VSTM4: variants seen among roughly 807,000 people sequenced by gnomAD.
The protein encoded by VSTM4 is V-set and transmembrane domain containing 4, also known as V-set and transmembrane domain-containing protein 4.
Under a neutral mutation model 36.4 loss-of-function variants are expected in VSTM4, and 20 were observed. The ratio of observed to expected loss-of-function variants is 0.55; its 90% CI spans 0.39 to 0.80. The LOEUF (loss-of-function observed/expected upper bound fraction) is 0.80. Ranked by LOEUF, VSTM4 falls within the 30% of genes least tolerant of loss-of-function variation. The pLI is 0.00. For synonymous variants in VSTM4, 182 were observed against 173.9 expected, an observed-to-expected ratio of 1.05 and a Z score of -0.37; for missense variants, 392 against 404.5, an observed-to-expected ratio of 0.97 and a Z score of 0.26.
At chr10:49,093,784 G>A (rs35621290) in intron 2 of VSTM4, among the ~76,000 whole-genome samples, 12 of 125,714 alleles carry the variant, frequency 9.5e-5, no homozygotes, top group Admixed American at 4.6e-4. Context: ...GTCTTGCTTC[G>A]TCGCCCAGGC....
intron 1 of VSTM4, among the ~76,000 whole-genome samples, chr10:49,110,139 G>A (rs937824391): frequency 3.9e-5 from 6 of 152,218 alleles, no homozygotes; most frequent in African/African-American, 1.4e-4. Flanking sequence ...GAGCTTCCCA[G>A]TGGAGGCCAG....
chr10:49,060,630 T>C (rs1316027414), intron 5 of VSTM4, among the ~76,000 whole-genome samples: 5 of 152,184 alleles, frequency 3.3e-5, no homozygotes, highest in African/African-American at 7.2e-5. Context: ...GATTTGCAAA[T>C]ATGGGGCTTA....
At chr10:49,091,350 T>C (rs1484051386) in intron 2 of VSTM4, among the ~76,000 whole-genome samples, 2 of 152,176 alleles carry the variant, frequency 1.3e-5, no homozygotes, top group Non-Finnish European at 2.9e-5. Flanking sequence ...AAGGGACAAG[T>C]TGTGAAATCC....
At chr10:49,059,786 T>G (rs1843843491) in intron 5 of VSTM4, among the ~76,000 whole-genome samples, 1 of 152,198 alleles carries the variant, frequency 6.6e-6, no homozygotes, top group Admixed American at 6.5e-5. Flanking sequence ...TCAATAGCTT[T>G]TAGATTCATG....
chr10:49,070,122 G>A lies in VSTM4; in HGVS notation c.635-5386C>T, dbSNP rs1407929973. Among the ~76,000 whole-genome samples, 5 of 112,710 alleles carry A rather than the reference G, an allele frequency of 4.4e-5. 1 individual carries two copies. Among genetic ancestry groups the A allele is most frequent in the Non-Finnish European group, 8.7e-5 (5 of 57,332 alleles). The allele number at this position is 112,710 out of a possible 152,430, so 73.9% of individuals were successfully genotyped here. Reference sequence around the variant, plus strand: ...AAAAAAATCAGCCGGGCGTAGTGGCGGGCGCCTGTAGTCCCAGCTACTTGG... The same window carrying A: ...AAAAAAATCAGCCGGGCGTAGTGGCAGGCGCCTGTAGTCCCAGCTACTTGG... On this transcript the variant is annotated intron_variant, in intron 4 of 7. Transcript: ENST00000332853.
At chr10:49,114,181 G>A (rs1371478660) in intron 1 of VSTM4, among the ~76,000 whole-genome samples, 3 of 152,078 alleles carry the variant, frequency 2.0e-5, no homozygotes, top group East Asian at 1.9e-4. Context: ...TACATTTCCC[G>A]CAGCAAGGAT....
intron 1 of VSTM4, 116 bp from the exon 2 acceptor site, chr10:49,108,111 C>T: frequency 1.4e-6 from 2 of 1,381,572 alleles, no homozygotes; most frequent in Non-Finnish European, 1.9e-6. Flanking sequence ...AGTGCTCTGC[C>T]TGGCCAGAGA....
intron 3 of VSTM4, among the ~76,000 whole-genome samples, chr10:49,079,767 C>A (rs1844245468): frequency 6.6e-6 from 1 of 151,866 alleles, no homozygotes; most frequent in South Asian, 2.1e-4. Flanking sequence ...GAGTTCTGCA[C>A]CGAGTTGTAT....
At chr10:49,039,834 G>A (rs1222670577) in intron 7 of VSTM4, among the ~76,000 whole-genome samples, 4 of 152,128 alleles carry the variant, frequency 2.6e-5, no homozygotes, top group African/African-American at 9.7e-5. Flanking sequence ...TTTTCCTTCC[G>A]CATCATAGAA....
intron 7 of VSTM4, among the ~76,000 whole-genome samples, chr10:49,027,998 T>A (rs1010197532): frequency 3.9e-5 from 6 of 152,244 alleles, no homozygotes; most frequent in Non-Finnish European, 5.9e-5. Flanking sequence ...TGTAAGAAAC[T>A]GCCTATTTGT....
intron 4 of VSTM4, among the ~76,000 whole-genome samples, chr10:49,068,005 T>C (rs1226464800): frequency 2.0e-5 from 3 of 152,258 alleles, no homozygotes; most frequent in African/African-American, 7.2e-5. Flanking sequence ...GTAAATGCTA[T>C]GTAAACCATT....
At chr10:49,035,612 T>C (rs1395715133) in intron 7 of VSTM4, among the ~76,000 whole-genome samples, 3 of 138,674 alleles carry the variant, frequency 2.2e-5, no homozygotes, top group Admixed American at 8.4e-5. Flanking sequence ...AGTGAGAGGA[T>C]TGCTTGAGGC....
intron 4 of VSTM4, among the ~76,000 whole-genome samples, chr10:49,069,991 G>A (rs1287509228): frequency 3.2e-5 from 2 of 61,932 alleles, no homozygotes; most frequent in Non-Finnish European, 6.1e-5. Context: ...GGTGGCTCAC[G>A]CCTGTAATCC....
chr10:49,020,704 G>A (rs1315284976), intron 7 of VSTM4, among the ~76,000 whole-genome samples: 1 of 71,724 alleles, frequency 1.4e-5, no homozygotes, highest in African/African-American at 3.9e-5. Context: ...GAAAGAAGGA[G>A]GGAAGAAGGA....
rs190513439 is a variant in VSTM4 at position 49,038,189 on chromosome 10, C to T, written c.837+8794G>A. ...TCACGTCAGCATTAGTCACAACAGC[C>T]AAAAGATGGAAGCAACTCCGTTGTC... On this transcript the variant is annotated intron_variant, in intron 7 of 7. Transcript: ENST00000332853. Among the ~76,000 whole-genome samples, 19 of 152,264 alleles carry T rather than the reference C, an allele frequency of 1.2e-4. No individual in the cohort carries two copies. The East Asian group carries it at 2.5e-3, about 20-fold the overall frequency.
chr10:49,059,325 C>T (rs1293907862), intron 5 of VSTM4, among the ~76,000 whole-genome samples: 2 of 152,212 alleles, frequency 1.3e-5, no homozygotes, highest in Admixed American at 6.5e-5. Flanking sequence ...ACCCAACCAA[C>T]CTGACAGTGC....
intron 5 of VSTM4, among the ~76,000 whole-genome samples, chr10:49,048,875 G>C (rs917983585): frequency 6.6e-6 from 1 of 152,228 alleles, no homozygotes; most frequent in Non-Finnish European, 1.5e-5. Flanking sequence ...CCCAGCGTTA[G>C]CTTGTGTACA....
intron 4 of VSTM4, among the ~76,000 whole-genome samples, chr10:49,070,252 C>T (rs1462026066): frequency 9.2e-5 from 2 of 21,726 alleles, no homozygotes; most frequent in African/African-American, 2.5e-4. Context: ...GACTCCGTCT[C>T]AAAAAAAAAA....
At chr10:49,082,011 A>T (rs1003282539) in intron 3 of VSTM4, among the ~76,000 whole-genome samples, 1 of 150,242 alleles carries the variant, frequency 6.7e-6, no homozygotes, top group Admixed American at 6.6e-5. Context: ...AAACATGAAA[A>T]CCCCCCTCCC....
Sources: allele counts gnomAD v4.1 joint callset (sites outside exome capture counted in the v4.1 genomes callset), GRCh38; gene constraint gnomAD v4.1.1; transcripts MANE v1.5; gene names NCBI Gene and HGNC (gene_info 2026-07-23, HGNC 2026-07-21).